ADAMTS12: variants seen among roughly 807,000 people sequenced by gnomAD.
The protein encoded by ADAMTS12 is ADAM metallopeptidase with thrombospondin type 1 motif 12.
A neutral mutation model predicts 167.8 loss-of-function variants in ADAMTS12; 118 were observed. The ratio of observed to expected loss-of-function variants is 0.70; its 90% CI spans 0.61 to 0.82. The LOEUF is 0.82. Ranked by LOEUF, ADAMTS12 falls within the 40% of genes least tolerant of loss-of-function variation. The probability of loss-of-function intolerance (pLI) is 0.00; values close to 1 mark genes in which losing one functional copy is unlikely to be tolerated. For synonymous variants in ADAMTS12, 704 were observed against 716.9 expected (o/e 0.98, Z 0.29); for missense variants, 1,916 against 1,998.8 (o/e 0.96, Z 0.79).
At chr5:33,572,167 G>A (rs2111941124) in intron 19 of ADAMTS12, among the ~76,000 whole-genome samples, 1 of 152,216 alleles carries the variant, frequency 6.6e-6, no homozygotes, top group African/African-American at 2.4e-5. Context: ...TCTACCAGAG[G>A]TACAAGGAGG....
At chr5:33,735,189 C>G (rs1234182411) in intron 3 of ADAMTS12, among the ~76,000 whole-genome samples, 1 of 152,170 alleles carries the variant, frequency 6.6e-6, no homozygotes, top group Non-Finnish European at 1.5e-5. Flanking sequence ...GTCTTCTTTT[C>G]TGAAGGAATA....
At chr5:33,645,723 A>T (rs1740638469) in intron 9 of ADAMTS12, among the ~76,000 whole-genome samples, 1 of 152,184 alleles carries the variant, frequency 6.6e-6, no homozygotes, top group African/African-American at 2.4e-5. Flanking sequence ...AAAAAGTTAT[A>T]ACATGGATAA....
At chr5:33,531,314 G>A (rs1036019861) in intron 23 of ADAMTS12, among the ~76,000 whole-genome samples, 1 of 152,206 alleles carries the variant, frequency 6.6e-6, no homozygotes, top group Non-Finnish European at 1.5e-5. Context: ...ATGGCAGCAT[G>A]AATATGTGTG....
At chr5:33,792,596 A>G (rs1415131555) in intron 2 of ADAMTS12, among the ~76,000 whole-genome samples, 1 of 152,206 alleles carries the variant, frequency 6.6e-6, no homozygotes. Context: ...TGTTCAGCAG[A>G]TATGTGTTGA....
At chr5:33,545,560 A>T (rs566946758) in intron 22 of ADAMTS12, among the ~76,000 whole-genome samples, 1 of 152,346 alleles carries the variant, frequency 6.6e-6, no homozygotes, top group South Asian at 2.1e-4. Context: ...ACACATGCAC[A>T]TGTATGTTTA....
chr5:33,836,328 G>A (rs1041963823), intron 2 of ADAMTS12, among the ~76,000 whole-genome samples: 2 of 152,130 alleles, frequency 1.3e-5, no homozygotes, highest in African/African-American at 4.8e-5. Flanking sequence ...CATCAGGCTG[G>A]ACGAGCCTTC....
chr5:33,798,019 CTCTT>C lies in ADAMTS12; in HGVS notation c.490-46475_490-46472del, dbSNP rs528164319. On this transcript the variant is annotated intron_variant, in intron 2 of 23. Transcript: ENST00000504830. ...CTTGGTAGGTAAGACATCTGACAAT[CTCTT>C]TCCTCAGCATCTTCAGTGATGAATT... Among the ~76,000 whole-genome samples the C allele has an allele frequency of 7.5e-4, 114 of 152,336 alleles. 1 individual carries two copies. In the East Asian group the frequency reaches 0.02, roughly 27 times the overall value.
At chr5:33,708,925 T>C (rs1743291813) in intron 3 of ADAMTS12, among the ~76,000 whole-genome samples, 1 of 151,392 alleles carries the variant, frequency 6.6e-6, no homozygotes, top group Non-Finnish European at 1.5e-5. Flanking sequence ...TGTACATGTA[T>C]CCCAGAACTT....
At chr5:33,738,794 G>A (rs890452949) in intron 3 of ADAMTS12, among the ~76,000 whole-genome samples, 4 of 152,256 alleles carry the variant, frequency 2.6e-5, no homozygotes, top group African/African-American at 7.2e-5. Flanking sequence ...CAAGGCCAGT[G>A]TTCTGGAGGA....
chr5:33,550,828 A>C (rs1745222968), intron 20 of ADAMTS12, among the ~76,000 whole-genome samples: 1 of 152,146 alleles, frequency 6.6e-6, no homozygotes, highest in African/African-American at 2.4e-5. Context: ...CACACCATGG[A>C]TCCCTAGCAC....
intron 2 of ADAMTS12, among the ~76,000 whole-genome samples, chr5:33,763,050 C>T (rs921881139): frequency 4.6e-5 from 7 of 152,092 alleles, no homozygotes; most frequent in African/African-American, 1.7e-4. Flanking sequence ...AAGGCAAATG[C>T]AGAGGAAGTG....
intron 23 of ADAMTS12, among the ~76,000 whole-genome samples, chr5:33,529,273 C>G (rs899990690): frequency 1.3e-5 from 2 of 152,186 alleles, no homozygotes; most frequent in African/African-American, 4.8e-5. Context: ...CCTTGCTTTT[C>G]CCATACATGA....
chr5:33,775,475 C>T (rs1390971788), intron 2 of ADAMTS12, among the ~76,000 whole-genome samples: 11 of 152,158 alleles, frequency 7.2e-5, no homozygotes, highest in Middle Eastern at 3.4e-3. Context: ...CATCAGAGTA[C>T]AAAAATATGC....
At chr5:33,622,738 G>C (rs1188289950) in intron 14 of ADAMTS12, among the ~76,000 whole-genome samples, 1 of 152,006 alleles carries the variant, frequency 6.6e-6, no homozygotes, top group East Asian at 1.9e-4. Context: ...AGTAAGTAAA[G>C]CCACTATAAA....
At position 33,524,315 on chromosome 5, in the gene ADAMTS12, A is replaced by T. The variant is rs900509030; in HGVS notation, c.*2873T>A. ...TTTAATTACATTTTCATGTTTAAGA[A>T]TTATATTAACCCACAACTTTCCAGA... On this transcript the variant is annotated 3_prime_UTR_variant, in exon 24 of 24. Transcript: ENST00000504830. 2.0e-5 allele frequency: 3 copies of T among 152,200 alleles called. No homozygotes were observed. Among genetic ancestry groups the T allele is most frequent in the Non-Finnish European group, 2.9e-5 (2 of 68,038 alleles). 9.4% of individuals were successfully genotyped at this position (152,200 alleles called of 1,614,324 possible).
At chr5:33,863,990 C>T (rs1749718446) in intron 2 of ADAMTS12, among the ~76,000 whole-genome samples, 1 of 152,168 alleles carries the variant, frequency 6.6e-6, no homozygotes, top group East Asian at 1.9e-4. Context: ...GTTGGGAAAA[C>T]TGGCTAGCCA....
intron 2 of ADAMTS12, among the ~76,000 whole-genome samples, chr5:33,780,074 T>C (rs1746068975): frequency 6.6e-6 from 1 of 152,184 alleles, no homozygotes; most frequent in South Asian, 2.1e-4. Context: ...TACAAAAACA[T>C]GTTGCATACT....
chr5:33,579,498 A>C (rs1417517538), intron 18 of ADAMTS12, among the ~76,000 whole-genome samples: 6 of 152,034 alleles, frequency 3.9e-5, no homozygotes, highest in African/African-American at 1.4e-4. Context: ...TTTGACTTGA[A>C]ATGTTGCTAA....
At chr5:33,761,552 C>T (rs1414170572) in intron 2 of ADAMTS12, among the ~76,000 whole-genome samples, 2 of 152,122 alleles carry the variant, frequency 1.3e-5, no homozygotes, top group African/African-American at 4.8e-5. Flanking sequence ...ATGTTAGAGA[C>T]ATAAATGAGG....
Sources: allele counts gnomAD v4.1 joint callset (sites outside exome capture counted in the v4.1 genomes callset), GRCh38; gene constraint gnomAD v4.1.1; transcripts MANE v1.5; gene names NCBI Gene and HGNC (gene_info 2026-07-23, HGNC 2026-07-21).